The following YIPF5 variants were observed in gnomAD, a reference collection of about 807,000 sequenced individuals.
YIPF5 encodes the protein protein YIPF5.
Under a neutral mutation model 30.4 loss-of-function variants are expected in YIPF5, and 8 were observed. That is an observed-to-expected ratio of 0.26 (90% CI 0.15 to 0.47). YIPF5 has a LOEUF of 0.47. YIPF5 is among the 20% of genes least tolerant of loss of function. YIPF5 has a pLI of 0.99. For synonymous variants in YIPF5, 104 were observed against 107.9 expected (o/e 0.96, Z 0.23); for missense variants, 282 against 301.8 (o/e 0.93, Z 0.49).
rs1414123361 is a variant in YIPF5, at chr5:144,160,521, C to A, written c.650G>T (p.Gly217Val). The A allele has an allele frequency of 1.2e-6, 2 of 1,613,946 alleles. No homozygotes were observed. The highest frequency in any genetic ancestry group is 2.2e-5 in the South Asian group (2 of 91,062). The change falls in exon 6 of 6, where the codon GGA becomes GTA. Residue 217 changes from glycine to valine, a missense_variant. Physicochemically the swap from Gly to Val is moderately radical, Grantham distance 109 (BLOSUM62 -3). Transcript: ENST00000274496. ...VGIILTAGII[G>V]WCSFSASKIF... ...TTTGGAAGCAGAAAAACTACACCAT[C>A]CAATAATCCCAGCAGTGAGAATGAT...
Position 144,159,706 on chromosome 5 carries a change from CTTTT to C in YIPF5, c.*687_*690del, listed in dbSNP as rs11459784. 185 of 893,388 alleles carry C rather than the reference CTTTT, an allele frequency of 2.1e-4. No homozygotes were observed. Among genetic ancestry groups the C allele is most frequent in the East Asian group, 2.5e-4 (2 of 7,980 alleles). The allele number at this position is 893,388 out of a possible 1,614,324, so 55.3% of individuals were successfully genotyped here. A position where few individuals can be genotyped will look rare whatever the true frequency, so the allele number is the denominator to read the frequency against. On this transcript the variant is annotated 3_prime_UTR_variant, in exon 6 of 6. Coordinates refer to ENST00000274496, the MANE Select transcript of YIPF5 (RefSeq NM_030799.9). ...ATTTTTGCAGTAAGTCTTGTGTCTC[CTTTT>C]TTTTTTTTTTTTGAGACAGAGTCTC...
chr5:144,162,127 T>C (rs1303449234), intron 5 of YIPF5, 91 bp downstream of exon 5: 4 of 1,387,250 alleles, frequency 2.9e-6, no homozygotes, highest in East Asian at 2.3e-5. Context: ...ATATGTTTGC[T>C]GAATCGGTGA....
chr5:144,158,977 G>A lies in YIPF5; in HGVS notation c.*1420C>T. On this transcript the variant is annotated 3_prime_UTR_variant, in exon 6 of 6. Coordinates refer to ENST00000274496, the MANE Select transcript of YIPF5 (RefSeq NM_030799.9). Reference sequence around the variant, plus strand: ...ATATCTTTCTCGTAACTATAACTGAGCTTTGTCCAGAATCAGAGACAGTTT... The same window carrying A: ...ATATCTTTCTCGTAACTATAACTGAACTTTGTCCAGAATCAGAGACAGTTT... 3 of 982,664 alleles carry A rather than the reference G, an allele frequency of 3.1e-6. No individual in the cohort carries two copies. The highest frequency in any genetic ancestry group is 3.6e-6 in the Non-Finnish European group (3 of 829,662). The allele number at this position is 982,664 out of a possible 1,614,324, so 60.9% of individuals were successfully genotyped here. A position where few individuals can be genotyped will look rare whatever the true frequency, so the allele number is the denominator to read the frequency against.
Position 144,165,549 on chromosome 5 carries a change from T to A in YIPF5, c.166A>T (p.Met56Leu), listed in dbSNP as rs749363065. The change falls in exon 3 of 6, where the codon ATG becomes TTG. Residue 56 changes from methionine (M) to leucine (L), a missense_variant. Transcript: ENST00000274496. ...CCGGTGTATGGCTGTTGTGGCTGCATCATGTCTGGAGGGACAAATCTGCCT... is the reference window on the plus strand; with the variant it reads ...CCGGTGTATGGCTGTTGTGGCTGCAACATGTCTGGAGGGACAAATCTGCCT... ...QQGRFVPPDM[M>L]QPQQPYTGQI... The A allele has an allele frequency of 3.1e-6, 5 of 1,614,144 alleles. No individual in the cohort carries two copies. The South Asian group carries it at 4.4e-5, about 14-fold the overall frequency.
At chr5:144,161,807 A>C (rs1341124672) in intron 5 of YIPF5, among the ~76,000 whole-genome samples, 1 of 152,200 alleles carries the variant, frequency 6.6e-6, no homozygotes, top group Non-Finnish European at 1.5e-5. Context: ...CCCAATAGAG[A>C]GTATGTATTT....
In YIPF5 at chr5:144,165,418, G is replaced by A. The variant is rs773031950; in HGVS notation, c.283+14C>T. Reference sequence around the variant, plus strand: ...ATACTATTGAGTACTATCAAGTGTTGCAACAAATCTTACCTTCTAATAAAG... The same window carrying A: ...ATACTATTGAGTACTATCAAGTGTTACAACAAATCTTACCTTCTAATAAAG... On this transcript the variant is annotated intron_variant, in intron 3 of 5. Coordinates refer to ENST00000274496, the MANE Select transcript of YIPF5 (RefSeq NM_030799.9). 2.5e-5 allele frequency: 40 copies of A among 1,613,628 alleles called. No individual in the cohort carries two copies. Among genetic ancestry groups the A allele is most frequent in the Non-Finnish European group, 3.4e-5 (40 of 1,179,676 alleles).
intron 2 of YIPF5, among the ~76,000 whole-genome samples, chr5:144,168,731 A>G (rs1752268819): frequency 6.6e-6 from 1 of 152,212 alleles, no homozygotes; most frequent in Admixed American, 6.5e-5. Flanking sequence ...ACTCAAAGAG[A>G]CTATATGTTT....
Position 144,160,013 on chromosome 5 carries a change from G to A in YIPF5, c.*384C>T, listed in dbSNP as rs1369122024. 3.0e-6 allele frequency: 3 copies of A among 990,180 alleles called. No homozygotes were observed. Among genetic ancestry groups the A allele is most frequent in the South Asian group, 4.6e-5 (1 of 21,588 alleles). 61.3% of individuals were successfully genotyped at this position (990,180 alleles called of 1,614,324 possible). On this transcript the variant is annotated 3_prime_UTR_variant, in exon 6 of 6. Coordinates refer to ENST00000274496, the MANE Select transcript of YIPF5 (RefSeq NM_030799.9). ...GTGAGCTACCACGCCCGGCCGTCTTGTGTCTTCTTTACTGTGACTGGGTCG... is the reference window on the plus strand; with the variant it reads ...GTGAGCTACCACGCCCGGCCGTCTTATGTCTTCTTTACTGTGACTGGGTCG...
intron 1 of YIPF5, among the ~76,000 whole-genome samples, 157 bp from the exon 2 acceptor site, chr5:144,170,122 T>C (rs1251460661): frequency 6.6e-6 from 1 of 152,188 alleles, no homozygotes; most frequent in Non-Finnish European, 1.5e-5. Flanking sequence ...TGAACGACGG[T>C]AGCGGAGAGA....
In YIPF5 at chr5:144,164,113, G is replaced by A. The variant is rs1339746887; in HGVS notation, c.427C>T (p.Leu143=). 6.2e-7 allele frequency: 1 copy of A among 1,611,626 alleles called. No homozygotes were observed. Among genetic ancestry groups the A allele is most frequent in the Non-Finnish European group, 8.5e-7 (1 of 1,179,412 alleles). The change falls in exon 4 of 6, where the codon CTG becomes TTG. Residue 143 remains leucine (L), a splice_region_variant and synonymous_variant. Coordinates refer to ENST00000274496, the MANE Select transcript of YIPF5 (RefSeq NM_030799.9). ...FCLAFGATLL[L]AGKIQFGYVY... ...GAAGGTTGAAATGAAAATCTTACCA[G>A]TAGCAATGTGGCTCCAAAAGCAAGG...
At position 144,162,283 on chromosome 5, in the gene YIPF5, A is replaced by G; in HGVS notation, c.546T>C (p.Ser182=). ...MTGVSFGCVA[S]VLGYCLLPMI... Reference sequence around the variant, plus strand: ...TGGGCAGAAGACAATATCCAAGGACACTTGCCACACAACCAAATGAAACAC... The same window carrying G: ...TGGGCAGAAGACAATATCCAAGGACGCTTGCCACACAACCAAATGAAACAC... The change falls in exon 5 of 6, where the codon AGT becomes AGC. Residue 182 remains serine (S), a synonymous_variant. Coordinates refer to ENST00000274496, the MANE Select transcript of YIPF5 (RefSeq NM_030799.9). 1 of 1,614,118 alleles carries G rather than the reference A, an allele frequency of 6.2e-7. No individual in the cohort carries two copies. The highest frequency in any genetic ancestry group is 8.5e-7 in the Non-Finnish European group (1 of 1,179,992).
At chr5:144,163,452 T>C (rs1416120046) in intron 4 of YIPF5, among the ~76,000 whole-genome samples, 5 of 152,306 alleles carry the variant, frequency 3.3e-5, no homozygotes, top group African/African-American at 9.6e-5. Flanking sequence ...GTAAGAAGGA[T>C]AGGATTATTT....
intron 2 of YIPF5, among the ~76,000 whole-genome samples, chr5:144,166,207 A>G (rs1392037856): frequency 6.6e-6 from 1 of 152,226 alleles, no homozygotes; most frequent in African/African-American, 2.4e-5. Flanking sequence ...GATTTTTAGT[A>G]CACTTTGCAT....
intron 2 of YIPF5, among the ~76,000 whole-genome samples, chr5:144,167,686 A>G (rs1201125037): frequency 6.6e-6 from 1 of 152,178 alleles, no homozygotes; most frequent in African/African-American, 2.4e-5. Flanking sequence ...TCTATGAATG[A>G]TACTTGTGAA....
At position 144,159,447 on chromosome 5, in the gene YIPF5, A is replaced by G. The variant is rs926608056; in HGVS notation, c.*950T>C. 1.0e-6 allele frequency: 1 copy of G among 985,368 alleles called. No homozygotes were observed. Among genetic ancestry groups the G allele is most frequent in the East Asian group, 1.1e-4 (1 of 8,810 alleles). The allele number at this position is 985,368 out of a possible 1,614,324, so 61.0% of individuals were successfully genotyped here. On this transcript the variant is annotated 3_prime_UTR_variant, in exon 6 of 6. Coordinates refer to ENST00000274496, the MANE Select transcript of YIPF5 (RefSeq NM_030799.9). ...ATTAATGCAACCATTCCAGGTCCCTAAGGTTGAGTTAACATTAATATGTAA... is the reference window on the plus strand; with the variant it reads ...ATTAATGCAACCATTCCAGGTCCCTGAGGTTGAGTTAACATTAATATGTAA...
intron 2 of YIPF5, among the ~76,000 whole-genome samples, chr5:144,167,315 A>T (rs1055174352): frequency 6.6e-6 from 1 of 152,180 alleles, no homozygotes; most frequent in Non-Finnish European, 1.5e-5. Context: ...AAACTAAAAC[A>T]TGGTATGGCA....
At chr5:144,161,803 AGAGAGT>A (rs377592735) in intron 5 of YIPF5, among the ~76,000 whole-genome samples, 3 of 152,238 alleles carry the variant, frequency 2.0e-5, no homozygotes, top group African/African-American at 7.2e-5. Flanking sequence ...GCTGCCCAAT[AGAGAGT>A]ATGTATTTAT....
At chr5:144,169,992 T>C in intron 1 of YIPF5, 27 bp from the exon 2 acceptor site, 1 of 1,561,436 alleles carries the variant, frequency 6.4e-7, no homozygotes, top group Non-Finnish European at 8.8e-7. Flanking sequence ...ATGGCAAATA[T>C]TCCTTATGCC....
At chr5:144,164,344 G>T in intron 3 of YIPF5, 88 bp from the exon 4 acceptor site, 1 of 1,179,668 alleles carries the variant, frequency 8.5e-7, no homozygotes, top group South Asian at 1.6e-5. Context: ...GAGACAAAAT[G>T]ACATAGCATC....
Sources: allele counts gnomAD v4.1 joint callset (sites outside exome capture counted in the v4.1 genomes callset), GRCh38; gene constraint gnomAD v4.1.1; transcripts MANE v1.5; gene names NCBI Gene and HGNC (gene_info 2026-07-23, HGNC 2026-07-21).